SOX5: variants seen among roughly 807,000 people sequenced by gnomAD.
The protein encoded by SOX5 is transcription factor SOX-5.
In SOX5, 9 loss-of-function variants were observed where a neutral mutation model predicts 92.0. That is an observed-to-expected ratio of 0.10 (90% confidence interval 0.06 to 0.17). The LOEUF is 0.17. SOX5 is among the 10% of genes least tolerant of loss of function. SOX5 has a pLI of 1.00. For missense variants in SOX5, 642 were observed against 944.5 expected, an observed-to-expected ratio of 0.68 and a Z score of 4.20; for synonymous variants, 344 against 336.3, an observed-to-expected ratio of 1.02 and a Z score of -0.25.
intron 9 of SOX5, among the ~76,000 whole-genome samples, chr12:23,585,834 G>A (rs1469399878): frequency 2.0e-5 from 3 of 152,150 alleles, no homozygotes; most frequent in Non-Finnish European, 4.4e-5. Flanking sequence ...CAACATGGAG[G>A]ATATCTCCTC....
chr12:24,075,172 G>A (rs1022975989), intron 4 of SOX5, among the ~76,000 whole-genome samples: 2 of 150,650 alleles, frequency 1.3e-5, no homozygotes, highest in African/African-American at 4.9e-5. Context: ...GAGAGGATGA[G>A]TCAGGAGGAT....
chr12:24,267,085 AT>A (rs1369661592), intron 3 of SOX5, among the ~76,000 whole-genome samples: 1 of 152,170 alleles, frequency 6.6e-6, no homozygotes, highest in African/African-American at 2.4e-5. Context: ...TGTCACAAAG[AT>A]TTGACATGTC....
At chr12:23,730,055 C>T (rs751023350) in intron 6 of SOX5, among the ~76,000 whole-genome samples, 4 of 152,086 alleles carry the variant, frequency 2.6e-5, no homozygotes, top group Non-Finnish European at 5.9e-5. Flanking sequence ...TCCTGTGAAA[C>T]AGTGAATCAG....
At chr12:24,242,209 G>A (rs963924395) in intron 3 of SOX5, among the ~76,000 whole-genome samples, 3 of 152,184 alleles carry the variant, frequency 2.0e-5, no homozygotes, top group Non-Finnish European at 4.4e-5. Flanking sequence ...TAATTGAGTT[G>A]CAGCTATACA....
intron 9 of SOX5, among the ~76,000 whole-genome samples, chr12:23,599,725 A>G (rs1953118227): frequency 6.6e-6 from 1 of 152,202 alleles, no homozygotes. Flanking sequence ...GGACTTCTTG[A>G]TAACACAGAA....
intron 4 of SOX5, among the ~76,000 whole-genome samples, chr12:24,057,808 T>C (rs1958282267): frequency 6.6e-6 from 1 of 152,206 alleles, no homozygotes; most frequent in Admixed American, 6.5e-5. Context: ...CATTTGTGAT[T>C]TGAGGAACTG....
At chr12:24,239,357 A>C (rs945488422) in intron 3 of SOX5, among the ~76,000 whole-genome samples, 4 of 152,258 alleles carry the variant, frequency 2.6e-5, no homozygotes, top group Non-Finnish European at 5.9e-5. Flanking sequence ...GTAGAACTGC[A>C]TGCCACAAAC....
At chr12:24,050,046 T>C (rs1957412394) in intron 4 of SOX5, among the ~76,000 whole-genome samples, 1 of 149,866 alleles carries the variant, frequency 6.7e-6, no homozygotes, top group African/African-American at 2.5e-5. Flanking sequence ...AAGATTCTTA[T>C]TTTCTTTCAA....
chr12:24,143,859 AAGGAGGAGAAGG>A (rs1950817565), intron 4 of SOX5, among the ~76,000 whole-genome samples: 1 of 151,502 alleles, frequency 6.6e-6, no homozygotes. Context: ...AGGAAAGAAG[AAGGAGGAGAAGG>A]AGGAGGAGGA....
intron 14 of SOX5, among the ~76,000 whole-genome samples, chr12:23,536,154 T>C (rs1367651459): frequency 6.6e-6 from 1 of 152,238 alleles, no homozygotes; most frequent in Non-Finnish European, 1.5e-5. Context: ...TGCAAACCAA[T>C]GAAGAAAAGA....
chr12:24,035,699 A>G (rs1955962711), intron 4 of SOX5, among the ~76,000 whole-genome samples: 1 of 152,130 alleles, frequency 6.6e-6, no homozygotes, highest in African/African-American at 2.4e-5. Flanking sequence ...AAAATAAAGA[A>G]AAACATCTCC....
intron 3 of SOX5, among the ~76,000 whole-genome samples, chr12:23,836,888 C>T (rs1325094219): frequency 6.6e-6 from 1 of 151,684 alleles, no homozygotes; most frequent in South Asian, 2.1e-4. Context: ...CTTTGCTTCC[C>T]TCATAGTCAT....
intron 1 of SOX5, among the ~76,000 whole-genome samples, chr12:24,391,529 G>C (rs1279226450): frequency 6.6e-6 from 1 of 152,116 alleles, no homozygotes; most frequent in African/African-American, 2.4e-5. Context: ...CGTCTCTTTA[G>C]CTTGATAGAG....
chr12:23,895,248 A>G (rs1039698254), intron 2 of SOX5, among the ~76,000 whole-genome samples: 8 of 151,888 alleles, frequency 5.3e-5, no homozygotes, highest in African/African-American at 1.9e-4. Flanking sequence ...TAACGAAACA[A>G]CAGTGTGAAT....
chr12:24,203,206 C>T (rs898851046), intron 4 of SOX5, among the ~76,000 whole-genome samples: 2 of 152,124 alleles, frequency 1.3e-5, no homozygotes, highest in African/African-American at 4.8e-5. Flanking sequence ...GCTCAAATGT[C>T]CCGAATTTGG....
intron 7 of SOX5, among the ~76,000 whole-genome samples, chr12:23,652,565 T>C (rs1475407137): frequency 6.8e-6 from 1 of 148,062 alleles, no homozygotes; most frequent in African/African-American, 2.6e-5. Flanking sequence ...CACAATAAGC[T>C]CCACCTTCAC....
intron 3 of SOX5, among the ~76,000 whole-genome samples, chr12:23,797,230 C>T (rs1280173469): frequency 6.6e-6 from 1 of 151,908 alleles, no homozygotes; most frequent in Admixed American, 6.6e-5. Flanking sequence ...TTGGTACAAT[C>T]AGATTAACAG....
At chr12:24,498,651 A>G (rs1947884432) in intron 1 of SOX5, among the ~76,000 whole-genome samples, 1 of 152,198 alleles carries the variant, frequency 6.6e-6, no homozygotes. Flanking sequence ...CTACCTAAAT[A>G]GAGTTTATAA....
At chr12:24,240,951 G>A (rs1370576204) in intron 3 of SOX5, among the ~76,000 whole-genome samples, 1 of 152,098 alleles carries the variant, frequency 6.6e-6, no homozygotes, top group East Asian at 1.9e-4. Context: ...CAGAGAACAG[G>A]TTCCTAAATC....
Sources: gnomAD v4.1 joint callset for allele counts (sites outside exome capture counted in the v4.1 genomes callset) on GRCh38, gnomAD v4.1.1 for gene constraint, MANE v1.5 for transcripts, NCBI Gene and HGNC (gene_info 2026-07-23, HGNC 2026-07-21) for gene names.